Variants in MYO16 observed in about 807,000 individuals in gnomAD.
MYO16 encodes unconventional myosin-XVI.
In MYO16, 94 loss-of-function variants were observed where a neutral mutation model predicts 205.3. That is an observed-to-expected ratio of 0.46 (90% CI 0.39 to 0.54). The LOEUF is 0.54. Ranked by LOEUF, MYO16 falls within the 20% of genes least tolerant of loss-of-function variation. MYO16 has a pLI of 0.00. For missense variants in MYO16, 2,315 were observed against 2,387.5 expected (o/e 0.97, Z 0.63); for synonymous variants, 988 against 954.0 (o/e 1.04, Z -0.66).
At chr13:108,784,914 C>G (rs993432738) in intron 4 of MYO16, among the ~76,000 whole-genome samples, 1 of 152,136 alleles carries the variant, frequency 6.6e-6, no homozygotes, top group Non-Finnish European at 1.5e-5. Context: ...TGAGTGATTC[C>G]TGAAGAGTGC....
chr13:108,576,542 A>G, the MYO16 span, among the ~76,000 whole-genome samples: 1 of 152,238 alleles, frequency 6.6e-6, no homozygotes, highest in South Asian at 2.1e-4. Flanking sequence ...GTAAGAATCT[A>G]TGCTATCTGA....
At chr13:108,560,199 A>T in the MYO16 span, among the ~76,000 whole-genome samples, 11 of 152,358 alleles carry the variant, frequency 7.2e-5, no homozygotes, top group South Asian at 2.1e-3. Context: ...ACTCCTATCT[A>T]TGAAGGCACA....
intron 2 of MYO16, among the ~76,000 whole-genome samples, chr13:108,676,474 C>G (rs1287713479): frequency 6.6e-6 from 1 of 151,306 alleles, no homozygotes; most frequent in Non-Finnish European, 1.5e-5. Context: ...CTATGAGGTA[C>G]TGTACTGGGT....
chr13:108,637,356 G>A (rs1327674388), intron 1 of MYO16, among the ~76,000 whole-genome samples: 1 of 152,142 alleles, frequency 6.6e-6, no homozygotes, highest in East Asian at 1.9e-4. Flanking sequence ...TGGTGGATGG[G>A]AAAGGATTCC....
intron 17 of MYO16, 135 bp downstream of exon 17, chr13:108,957,934 A>G: frequency 4.4e-6 from 3 of 677,182 alleles, no homozygotes; most frequent in Non-Finnish European, 2.6e-6. Context: ...TCGGCAGACA[A>G]CAAGCCCCAA....
At chr13:108,527,479 G>A in the MYO16 span, among the ~76,000 whole-genome samples, 5 of 152,118 alleles carry the variant, frequency 3.3e-5, no homozygotes, top group South Asian at 6.2e-4. Flanking sequence ...GTTAATTAAG[G>A]TTTGTAACCT....
At chr13:108,771,032 G>A (rs1160216104) in intron 4 of MYO16, among the ~76,000 whole-genome samples, 6 of 152,094 alleles carry the variant, frequency 3.9e-5, no homozygotes, top group Non-Finnish European at 8.8e-5. Context: ...TAACATAAAA[G>A]CTTGCAAAAT....
chr13:108,735,925 G>A (rs1474569488), intron 4 of MYO16, among the ~76,000 whole-genome samples: 1 of 152,190 alleles, frequency 6.6e-6, no homozygotes, highest in Non-Finnish European at 1.5e-5. Flanking sequence ...GTGTCTGTTA[G>A]CTGCATAAAT....
chr13:108,909,479 G>C (rs145468778), intron 15 of MYO16, among the ~76,000 whole-genome samples: 36 of 151,992 alleles, frequency 2.4e-4, no homozygotes, highest in African/African-American at 8.0e-4. Context: ...AATTCAAATT[G>C]CATTTTCCTT....
At chr13:108,529,291 C>T in the MYO16 span, among the ~76,000 whole-genome samples, 1 of 152,146 alleles carries the variant, frequency 6.6e-6, no homozygotes, top group African/African-American at 2.4e-5. Context: ...TACGTGCACC[C>T]TTTTCTCACT....
chr13:108,964,724 C>G (rs761441960), intron 19 of MYO16, 37 bp from the exon 20 acceptor site: 2 of 1,608,330 alleles, frequency 1.2e-6, no homozygotes, highest in Non-Finnish European at 1.7e-6. Flanking sequence ...TGAGGGAACC[C>G]TTGTGCTCAC....
At chr13:109,159,994 A>C (rs1007782253) in intron 32 of MYO16, among the ~76,000 whole-genome samples, 3 of 152,220 alleles carry the variant, frequency 2.0e-5, no homozygotes, top group Non-Finnish European at 4.4e-5. Flanking sequence ...TTATGTTTTA[A>C]AGCGAGGTTT....
chr13:108,879,207 G>A (rs897176390), intron 12 of MYO16, among the ~76,000 whole-genome samples: 1 of 152,144 alleles, frequency 6.6e-6, no homozygotes, highest in African/African-American at 2.4e-5. Flanking sequence ...AAGACATACA[G>A]TGTGTTCTTT....
chr13:109,203,107 T>G (rs1002641363), intron 34 of MYO16, among the ~76,000 whole-genome samples: 1 of 152,108 alleles, frequency 6.6e-6, no homozygotes, highest in African/African-American at 2.4e-5. Flanking sequence ...AAAGATCACA[T>G]CAGAAAAACT....
chr13:108,818,042 A>G (rs1875728892), intron 7 of MYO16, among the ~76,000 whole-genome samples: 1 of 152,142 alleles, frequency 6.6e-6, no homozygotes, highest in African/African-American at 2.4e-5. Context: ...CTATATTGTA[A>G]AAGACAAGTT....
At chr13:108,658,258 C>A (rs979258971) in intron 1 of MYO16, among the ~76,000 whole-genome samples, 2 of 152,128 alleles carry the variant, frequency 1.3e-5, no homozygotes, top group African/African-American at 4.8e-5. Flanking sequence ...ACAATGATTG[C>A]ATAAATTGGT....
chr13:109,075,981 A>G (rs1888087129), intron 27 of MYO16, among the ~76,000 whole-genome samples: 1 of 152,140 alleles, frequency 6.6e-6, no homozygotes, highest in Non-Finnish European at 1.5e-5. Context: ...TGAACTCAGT[A>G]TCTTTAATTA....
intron 23 of MYO16, among the ~76,000 whole-genome samples, chr13:109,021,037 G>A (rs190231214): frequency 6.6e-6 from 1 of 152,254 alleles, no homozygotes; most frequent in African/African-American, 2.4e-5. Flanking sequence ...TAAAAAATGT[G>A]TAGATGCTTT....
the MYO16 span, among the ~76,000 whole-genome samples, chr13:108,495,779 G>A: frequency 1.3e-5 from 2 of 151,238 alleles, no homozygotes; most frequent in African/African-American, 4.8e-5. Context: ...CCTCCAGCCG[G>A]CCTGGCTGCG....
Sources: allele counts gnomAD v4.1 joint callset (sites outside exome capture counted in the v4.1 genomes callset), GRCh38; gene constraint gnomAD v4.1.1; transcripts MANE v1.5; gene names NCBI Gene and HGNC (gene_info 2026-07-23, HGNC 2026-07-21).